PLA2R1: variants seen among roughly 807,000 people sequenced by gnomAD.
The protein encoded by PLA2R1 is secretory phospholipase A2 receptor.
In PLA2R1, 158 loss-of-function variants were observed where a neutral mutation model predicts 195.9. The observed-to-expected ratio is 0.81, with a 90% CI of 0.71 to 0.92. The LOEUF is 0.92. Among genes scored for constraint, PLA2R1 ranks in the 40% least tolerant of loss-of-function variants. The pLI, the probability that PLA2R1 is intolerant of heterozygous loss-of-function variation, is 0.00. For synonymous variants in PLA2R1, 586 were observed against 598.2 expected (o/e 0.98, Z 0.30); for missense variants, 1,626 against 1,764.6 (o/e 0.92, Z 1.41).
intron 1 of PLA2R1, among the ~76,000 whole-genome samples, chr2:160,047,921 G>C (rs1694974575): frequency 6.6e-6 from 1 of 152,170 alleles, no homozygotes; most frequent in Non-Finnish European, 1.5e-5. Context: ...GGCCTCCCAG[G>C]CTCAACTGAT....
At chr2:160,061,949 G>A (rs1031363688) in intron 1 of PLA2R1, among the ~76,000 whole-genome samples, 10 of 152,112 alleles carry the variant, frequency 6.6e-5, no homozygotes, top group Non-Finnish European at 2.9e-5. Flanking sequence ...CTCTCAGAAA[G>A]TTTCCGTTTT....
intron 3 of PLA2R1, among the ~76,000 whole-genome samples, chr2:160,040,271 C>T (rs889406199): frequency 6.6e-6 from 1 of 151,764 alleles, no homozygotes. Flanking sequence ...TTCTCTATTA[C>T]CCCCACTACC....
At chr2:159,975,369 C>A (rs1338668663) in intron 17 of PLA2R1, among the ~76,000 whole-genome samples, 1 of 152,158 alleles carries the variant, frequency 6.6e-6, no homozygotes, top group Non-Finnish European at 1.5e-5. Flanking sequence ...AAAAAGTACA[C>A]TATTCTTTGC....
chr2:160,020,343 A>G (rs1210012294), intron 7 of PLA2R1, 80 bp from the exon 8 acceptor site: 47 of 816,926 alleles, frequency 5.8e-5, no homozygotes, highest in Admixed American at 2.6e-4. Context: ...TTACTAAAAT[A>G]TACCACTTCA....
Position 159,984,031 on chromosome 2 carries a change from CT to C in PLA2R1, c.2079del (p.Glu694LysfsTer25). 1 of 1,588,490 alleles carries C rather than the reference CT, an allele frequency of 6.3e-7. No homozygotes were observed. Among genetic ancestry groups the C allele is most frequent in the Non-Finnish European group, 8.6e-7 (1 of 1,157,536 alleles). On this transcript the variant is annotated frameshift_variant, in exon 13 of 30. Coordinates refer to ENST00000283243, the MANE Select transcript of PLA2R1 (RefSeq NM_007366.5). LOFTEE classifies it high-confidence loss of function. ...AATTCTTCGCAAAATGCTTCAGCTTCTCTCCATGTTCTTTTCATCAGAACTT... is the reference window on the plus strand; with the variant it reads ...AATTCTTCGCAAAATGCTTCAGCTTCCTCCATGTTCTTTTCATCAGAACTT... ...SEKVLMKRTW[R>X]EAEAFCEEFG...
chr2:160,003,281 T>C (rs1461193378), intron 11 of PLA2R1, among the ~76,000 whole-genome samples: 2 of 151,996 alleles, frequency 1.3e-5, no homozygotes, highest in Middle Eastern at 3.2e-3. Context: ...GCAAAGCCTT[T>C]AGAAAATATA....
At chr2:160,001,940 C>T (rs1691626169) in intron 11 of PLA2R1, among the ~76,000 whole-genome samples, 1 of 150,896 alleles carries the variant, frequency 6.6e-6, no homozygotes, top group Non-Finnish European at 1.5e-5. Context: ...ATGATCTGAA[C>T]AACACATTTA....
chr2:159,927,264 C>T (rs1023000950), downstream of PLA2R1, among the ~76,000 whole-genome samples: 1 of 152,168 alleles, frequency 6.6e-6, no homozygotes, highest in Non-Finnish European at 1.5e-5. Context: ...CCAGTTATTA[C>T]TACTGAAAAA....
intron 1 of PLA2R1, among the ~76,000 whole-genome samples, chr2:160,056,838 A>G (rs541583854): frequency 3.9e-5 from 6 of 152,188 alleles, no homozygotes; most frequent in Non-Finnish European, 7.4e-5. Flanking sequence ...CCTTCTCAGC[A>G]GTACCCAATT....
intron 15 of PLA2R1, 139 bp from the exon 16 acceptor site, chr2:159,976,859 G>T: frequency 1.5e-6 from 1 of 684,896 alleles, no homozygotes; most frequent in South Asian, 1.8e-5. Context: ...GTGCTGTTTG[G>T]AATATATGGT....
At chr2:160,015,886 T>C (rs4665135) in intron 9 of PLA2R1, among the ~76,000 whole-genome samples, 25,879 of 151,998 alleles carry the variant, frequency 0.17, 2,643 homozygotes, top group Admixed American at 0.32. Flanking sequence ...AAAGACCAGG[T>C]CTGGAAAACT....
At position 159,967,681 on chromosome 2, in the gene PLA2R1, G is replaced by A. The variant is rs1413180721; in HGVS notation, c.2765-3C>T. ...ACACTCTTCACTACCCCAGAGTCCT[G>A]GAGGAGAAAATGGGTTAGAAATGGC... On this transcript the variant is annotated splice_polypyrimidine_tract_variant and splice_region_variant and intron_variant, in intron 19 of 29. Coordinates refer to ENST00000283243, the MANE Select transcript of PLA2R1 (RefSeq NM_007366.5). 6 of 1,612,198 alleles carry A rather than the reference G, an allele frequency of 3.7e-6. 1 individual carries two copies. The Admixed American group carries it at 1.0e-4, about 27-fold the overall frequency.
At chr2:160,032,309 T>C (rs1242265369) in intron 4 of PLA2R1, among the ~76,000 whole-genome samples, 1 of 152,212 alleles carries the variant, frequency 6.6e-6, no homozygotes, top group Non-Finnish European at 1.5e-5. Flanking sequence ...ACTAATTTTG[T>C]GATATTTTCT....
intron 18 of PLA2R1, 128 bp downstream of exon 18, chr2:159,970,020 G>A: frequency 1.6e-6 from 1 of 606,552 alleles, no homozygotes; most frequent in Middle Eastern, 3.7e-4. Flanking sequence ...TCTTTGGTTA[G>A]AGAAGTGAAA....
Position 159,937,198 on chromosome 2 carries a change from C to G in PLA2R1, c.*4580G>C, listed in dbSNP as rs547768902. Reference sequence around the variant, plus strand: ...CTACAAGTAAAATTAAAAGGCTTTACTAAGACTCTTCAAATAACTGTTCAT... The same window carrying G: ...CTACAAGTAAAATTAAAAGGCTTTAGTAAGACTCTTCAAATAACTGTTCAT... On this transcript the variant is annotated 3_prime_UTR_variant, in exon 30 of 30. Transcript: ENST00000283243. 7 of 152,248 alleles carry G rather than the reference C, an allele frequency of 4.6e-5. 1 individual carries two copies. The highest frequency in any genetic ancestry group is 4.6e-4 in the Admixed American group (7 of 15,286). The allele number at this position is 152,248 out of a possible 1,614,324, so 9.4% of individuals were successfully genotyped here. A position where few individuals can be genotyped will look rare whatever the true frequency, so the allele number is the denominator to read the frequency against.
Position 159,987,231 on chromosome 2 carries a change from C to T in PLA2R1, c.1962G>A (p.Glu654=), listed in dbSNP as rs753150904. The change falls in exon 12 of 30, where the codon GAG becomes GAA. Residue 654 remains glutamate, a synonymous_variant. Coordinates refer to ENST00000283243, the MANE Select transcript of PLA2R1 (RefSeq NM_007366.5). The stretch of plus-strand genomic sequence containing the variant: ...GGTGAAAGGGCCATCTCTCTTCATA[C>T]TCTGCTTTTTCCTGATTTTCAACTG... ...KQPVENQEKA[E]YEERWPFHPC... The T allele has an allele frequency of 4.3e-6, 7 of 1,613,292 alleles. No homozygotes were observed. In the East Asian group the frequency reaches 1.6e-4, roughly 36 times the overall value.
At chr2:159,954,914 T>C (rs939977788) in intron 23 of PLA2R1, among the ~76,000 whole-genome samples, 2 of 152,208 alleles carry the variant, frequency 1.3e-5, no homozygotes, top group Non-Finnish European at 2.9e-5. Context: ...AACAGATACA[T>C]AATCCCAGAA....
chr2:159,968,709 TGAG>T (rs1560158360), intron 19 of PLA2R1, among the ~76,000 whole-genome samples: 1 of 152,184 alleles, frequency 6.6e-6, no homozygotes, highest in African/African-American at 2.4e-5. Context: ...ACTGCACTGA[TGAG>T]GAGAATTTAA....
In PLA2R1 at chr2:160,044,357, G is replaced by A. The variant is rs140232224; in HGVS notation, c.493+417C>T. Among the ~76,000 whole-genome samples the A allele has an allele frequency of 1.1e-3, 173 of 152,256 alleles. 1 individual carries two copies. Among genetic ancestry groups the A allele is most frequent in the African/African-American group, 3.9e-3 (163 of 41,536 alleles). ...GGTGTCCTGGACACATACCTCCATA[G>A]GTGGGGATGAGTTTTTACAATAAGA... On this transcript the variant is annotated intron_variant, in intron 2 of 29. Transcript: ENST00000283243.
Sources: allele counts gnomAD v4.1 joint callset (sites outside exome capture counted in the v4.1 genomes callset), GRCh38; gene constraint gnomAD v4.1.1; transcripts MANE v1.5; gene names NCBI Gene and HGNC (gene_info 2026-07-23, HGNC 2026-07-21).